KCND2: variants seen among roughly 807,000 people sequenced by gnomAD.
The protein encoded by KCND2 is potassium voltage-gated channel subfamily D member 2.
A neutral mutation model predicts 54.4 loss-of-function variants in KCND2; 16 were observed. The ratio of observed to expected loss-of-function variants is 0.29; its 90% CI spans 0.20 to 0.45. The LOEUF is 0.45. Among genes scored for constraint, KCND2 ranks in the 20% least tolerant of loss-of-function variants. KCND2 has a pLI of 1.00. For synonymous variants in KCND2, 317 were observed against 310.7 expected, an observed-to-expected ratio of 1.02 and a Z score of -0.21; for missense variants, 486 against 824.2, an observed-to-expected ratio of 0.59 and a Z score of 5.02.
At chr7:120,656,237 G>GT (rs1426484206) in intron 1 of KCND2, among the ~76,000 whole-genome samples, 4 of 151,984 alleles carry the variant, frequency 2.6e-5, no homozygotes, top group African/African-American at 4.8e-5. Flanking sequence ...TATAAATACA[G>GT]TTTTTTTTAA....
intron 1 of KCND2, among the ~76,000 whole-genome samples, chr7:120,339,189 C>A (rs1800201535): frequency 6.6e-6 from 1 of 151,912 alleles, no homozygotes. Flanking sequence ...CAGCGCCCGG[C>A]CCCTTGCTAC....
intron 1 of KCND2, among the ~76,000 whole-genome samples, chr7:120,715,828 C>T (rs1792595845): frequency 6.6e-6 from 1 of 152,038 alleles, no homozygotes; most frequent in South Asian, 2.1e-4. Context: ...CAACATGCAG[C>T]TTCCCATGTG....
chr7:120,577,113 C>T (rs560630061), intron 1 of KCND2, among the ~76,000 whole-genome samples: 2 of 152,158 alleles, frequency 1.3e-5, no homozygotes, highest in East Asian at 1.9e-4. Context: ...TGCCACTGCA[C>T]TCCAGCCTGG....
intron 1 of KCND2, among the ~76,000 whole-genome samples, chr7:120,639,197 G>T (rs1406435586): frequency 1.3e-5 from 2 of 152,074 alleles, no homozygotes; most frequent in Non-Finnish European, 2.9e-5. Flanking sequence ...GGCAGTAGAA[G>T]ATAGAAAATT....
intron 1 of KCND2, among the ~76,000 whole-genome samples, chr7:120,693,762 A>G (rs1260838116): frequency 6.6e-6 from 1 of 152,230 alleles, no homozygotes; most frequent in African/African-American, 2.4e-5. Context: ...CAGCACTGGC[A>G]TGTAGCAGCT....
At chr7:120,744,062 C>G (rs1391136222) in intron 4 of KCND2, among the ~76,000 whole-genome samples, 3 of 152,204 alleles carry the variant, frequency 2.0e-5, no homozygotes, top group Non-Finnish European at 2.9e-5. Context: ...GAGTTCAAGT[C>G]CAGCCTGACC....
At chr7:120,399,571 A>G (rs1584762783) in intron 1 of KCND2, among the ~76,000 whole-genome samples, 1 of 152,160 alleles carries the variant, frequency 6.6e-6, no homozygotes, top group African/African-American at 2.4e-5. Context: ...CCACTTAAAC[A>G]TTTGGAAATA....
intron 1 of KCND2, among the ~76,000 whole-genome samples, chr7:120,529,700 C>G (rs1276144633): frequency 6.6e-6 from 1 of 152,150 alleles, no homozygotes; most frequent in African/African-American, 2.4e-5. Context: ...CTGTAGAGTA[C>G]ACTCCTATGC....
intron 1 of KCND2, among the ~76,000 whole-genome samples, chr7:120,461,290 G>A (rs187001998): frequency 1.8e-4 from 28 of 152,258 alleles, no homozygotes; most frequent in African/African-American, 6.7e-4. Flanking sequence ...ATTCTCTGTG[G>A]AAAATATCCA....
At chr7:120,693,512 G>GA (rs891298193) in intron 1 of KCND2, among the ~76,000 whole-genome samples, 5 of 151,490 alleles carry the variant, frequency 3.3e-5, no homozygotes, top group African/African-American at 7.3e-5. Context: ...AATGGATAAT[G>GA]AAAAAAAATT....
chr7:120,318,802 TG>T (rs1799851103), intron 1 of KCND2, among the ~76,000 whole-genome samples: 1 of 152,062 alleles, frequency 6.6e-6, no homozygotes, highest in South Asian at 2.1e-4. Flanking sequence ...ATTCAGAAGA[TG>T]GCTTTTCACA....
chr7:120,386,598 A>G (rs1340693729), intron 1 of KCND2, among the ~76,000 whole-genome samples: 1 of 152,168 alleles, frequency 6.6e-6, no homozygotes, highest in Non-Finnish European at 1.5e-5. Context: ...CCTTTCTTTT[A>G]TATTTAGAAA....
intron 1 of KCND2, among the ~76,000 whole-genome samples, chr7:120,682,946 A>C (rs1792158330): frequency 6.6e-6 from 1 of 152,182 alleles, no homozygotes; most frequent in Non-Finnish European, 1.5e-5. Flanking sequence ...ACATGTTCAT[A>C]GAACAACTTG....
intron 1 of KCND2, among the ~76,000 whole-genome samples, chr7:120,315,765 AGTGTGTGTGTGTGT>A (rs59537613): frequency 0.02 from 2,804 of 137,246 alleles, 45 homozygotes; most frequent in East Asian, 0.095. Flanking sequence ...TTCCATAAGC[AGTGTGTGTGTGTGT>A]GTGTGTGTGT....
At chr7:120,519,620 A>C (rs1791663551) in intron 1 of KCND2, among the ~76,000 whole-genome samples, 1 of 152,172 alleles carries the variant, frequency 6.6e-6, no homozygotes, top group Non-Finnish European at 1.5e-5. Context: ...CAGTGAGATA[A>C]TAAATTGTCT....
At chr7:120,579,958 G>T (rs1013443329) in intron 1 of KCND2, among the ~76,000 whole-genome samples, 5 of 152,068 alleles carry the variant, frequency 3.3e-5, no homozygotes, top group African/African-American at 1.2e-4. Flanking sequence ...GTCTAAGCTG[G>T]CCATCCTGGC....
intron 1 of KCND2, among the ~76,000 whole-genome samples, chr7:120,639,123 G>A (rs1056984848): frequency 6.6e-6 from 1 of 152,096 alleles, no homozygotes; most frequent in Non-Finnish European, 1.5e-5. Flanking sequence ...ACTGAATAAA[G>A]CCTGTAGAAT....
At chr7:120,531,172 T>C (rs562993647) in intron 1 of KCND2, among the ~76,000 whole-genome samples, 1 of 152,248 alleles carries the variant, frequency 6.6e-6, no homozygotes, top group African/African-American at 2.4e-5. Context: ...TTCTAAACTA[T>C]GAAGCAACTA....
intron 1 of KCND2, among the ~76,000 whole-genome samples, chr7:120,413,605 A>T (rs965401472): frequency 2.0e-5 from 3 of 152,004 alleles, no homozygotes; most frequent in African/African-American, 7.2e-5. Context: ...TATATTTTTT[A>T]TTATAGCTTA....
Sources: gnomAD v4.1 joint callset for allele counts (sites outside exome capture counted in the v4.1 genomes callset) on GRCh38, gnomAD v4.1.1 for gene constraint, MANE v1.5 for transcripts, NCBI Gene and HGNC (gene_info 2026-07-23, HGNC 2026-07-21) for gene names.